Variants in KCNT2 observed in about 807,000 individuals in gnomAD.
The protein encoded by KCNT2 is potassium sodium-activated channel subfamily T member 2.
A neutral mutation model predicts 153.8 loss-of-function variants in KCNT2; 67 were observed. The ratio of observed to expected loss-of-function variants is 0.44; its 90% CI spans 0.36 to 0.53. The LOEUF is 0.53. KCNT2 is among the 20% of genes least tolerant of loss of function. The pLI is 0.00. For missense variants in KCNT2, 975 were observed against 1,354.8 expected, an observed-to-expected ratio of 0.72 and a Z score of 4.40; for synonymous variants, 500 against 458.8, an observed-to-expected ratio of 1.09 and a Z score of -1.15.
rs1486959560 is a variant in KCNT2 at position 196,433,780 on chromosome 1, T to C, written c.639-4023A>G. Among the ~76,000 whole-genome samples the C allele has an allele frequency of 2.0e-5, 3 of 152,044 alleles. No individual in the cohort carries two copies. The East Asian group carries it at 5.8e-4, about 29-fold the overall frequency. Reference sequence around the variant, plus strand: ...AATCTCCTTATTTGTCTAAGTTATGTAGCATACATATTCTATTGTCTTTAT... The same window carrying C: ...AATCTCCTTATTTGTCTAAGTTATGCAGCATACATATTCTATTGTCTTTAT... On this transcript the variant is annotated intron_variant, in intron 8 of 27. Coordinates refer to ENST00000294725, the MANE Select transcript of KCNT2 (RefSeq NM_198503.5).
chr1:196,227,289 A>G lies in KCNT2; in HGVS notation c.*935T>C, dbSNP rs1165653268. ...AAAAGGTATAAATTATCTTCTGTCAATTTTAAAAGAATTTTTCTAGTGAAA... is the reference window on the plus strand; with the variant it reads ...AAAAGGTATAAATTATCTTCTGTCAGTTTTAAAAGAATTTTTCTAGTGAAA... On this transcript the variant is annotated 3_prime_UTR_variant, in exon 28 of 28. Coordinates refer to ENST00000294725, the MANE Select transcript of KCNT2 (RefSeq NM_198503.5). The G allele has an allele frequency of 1.3e-5, 2 of 152,032 alleles. No individual in the cohort carries two copies. Among genetic ancestry groups the G allele is most frequent in the African/African-American group, 4.8e-5 (2 of 41,456 alleles). The allele number at this position is 152,032 out of a possible 1,614,324, so 9.4% of individuals were successfully genotyped here.
chr1:196,277,538 G>A (rs1571881084), intron 25 of KCNT2, among the ~76,000 whole-genome samples: 1 of 152,246 alleles, frequency 6.6e-6, no homozygotes, highest in East Asian at 1.9e-4. Context: ...TTTAATATGT[G>A]TTTATATGGA....
rs573749994 is a variant in KCNT2 at position 196,409,758 on chromosome 1, T to C, written c.1186-11087A>G. Among the ~76,000 whole-genome samples the C allele has an allele frequency of 5.3e-5, 8 of 151,804 alleles. No homozygotes were observed. The South Asian group carries it at 6.2e-4, about 12-fold the overall frequency. On this transcript the variant is annotated intron_variant, in intron 12 of 27. Coordinates refer to ENST00000294725, the MANE Select transcript of KCNT2 (RefSeq NM_198503.5). ...ATTGTGAATAATACTGCAATGAACA[T>C]AGGAGTACAGACATCTCTTTCGCAT...
At chr1:196,505,955 G>C (rs1002214216) in intron 1 of KCNT2, among the ~76,000 whole-genome samples, 16 of 152,116 alleles carry the variant, frequency 1.1e-4, no homozygotes, top group Non-Finnish European at 2.1e-4. Context: ...CTTTGCTGAA[G>C]TTGCTTATCA....
At chr1:196,317,189 A>G in intron 20 of KCNT2, 1 of 441,000 alleles carries the variant, frequency 2.3e-6, no homozygotes, top group Non-Finnish European at 4.6e-6. Context: ...CCTTGAGTCC[A>G]AGATCCCCAG....
chr1:196,504,363 C>T (rs1443286596), intron 1 of KCNT2, among the ~76,000 whole-genome samples: 1 of 151,686 alleles, frequency 6.6e-6, no homozygotes, highest in Admixed American at 6.6e-5. Flanking sequence ...TGATAGTTTA[C>T]TGAGAATCAT....
chr1:196,270,099 A>G (rs977214382), intron 25 of KCNT2, among the ~76,000 whole-genome samples: 2 of 151,972 alleles, frequency 1.3e-5, no homozygotes, highest in South Asian at 4.1e-4. Context: ...AAAGGTATAG[A>G]ATTGCTTTTC....
At chr1:196,273,119 T>C (rs565509388) in intron 25 of KCNT2, among the ~76,000 whole-genome samples, 28 of 151,850 alleles carry the variant, frequency 1.8e-4, no homozygotes, top group African/African-American at 6.0e-4. Context: ...GTAAAGGAGG[T>C]CTACTCTAAA....
chr1:196,477,828 A>G (rs1678671399), intron 5 of KCNT2, among the ~76,000 whole-genome samples: 1 of 152,140 alleles, frequency 6.6e-6, no homozygotes, highest in Non-Finnish European at 1.5e-5. Context: ...CTTAGTTTCC[A>G]CCCTGGTGAT....
Position 196,228,192 on chromosome 1 carries a change from T to A in KCNT2, c.*32A>T, listed in dbSNP as rs1653634966. ...ACTTTTGTGGTTTCAAGCAAGGTCT[T>A]TGTAGGAAAAAAGTTTCTCATTTTA... is the stretch of plus-strand genomic sequence containing the variant. On this transcript the variant is annotated 3_prime_UTR_variant, in exon 28 of 28. Coordinates refer to ENST00000294725, the MANE Select transcript of KCNT2 (RefSeq NM_198503.5). 7.3e-7 allele frequency: 1 copy of A among 1,363,204 alleles called. No individual in the cohort carries two copies. Among genetic ancestry groups the A allele is most frequent in the African/African-American group, 1.4e-5 (1 of 69,846 alleles). The allele number at this position is 1,363,204 out of a possible 1,614,324, so 84.4% of individuals were successfully genotyped here.
intron 14 of KCNT2, among the ~76,000 whole-genome samples, chr1:196,351,279 A>G (rs1031677685): frequency 6.6e-5 from 10 of 152,244 alleles, no homozygotes; most frequent in East Asian, 1.9e-4. Flanking sequence ...CATTGAATCT[A>G]TAAATTACCT....
Position 196,479,183 on chromosome 1 carries a change from T to A in KCNT2, c.380A>T (p.Tyr127Phe). 1 of 1,537,848 alleles carries A rather than the reference T, an allele frequency of 6.5e-7. No homozygotes were observed. Residue 127 changes from tyrosine to phenylalanine, a missense_variant, in exon 5 of 28, where the codon TAT (tyrosine) becomes TTT (phenylalanine). Tyr to Phe is a conservative substitution (Grantham distance 22, BLOSUM62 3). Transcript: ENST00000294725. ...CTGCTAATTAAAATAACTTACCTTA[T>A]AACTAAGATAACCAAGTAATATTGT... The part of the protein sequence containing the change: ...FETILLGYLS[Y>F]KGNIWEQILR...
At chr1:196,305,091 C>G in intron 22 of KCNT2, 143 bp downstream of exon 22, 3 of 609,106 alleles carry the variant, frequency 4.9e-6, no homozygotes, top group Non-Finnish European at 8.8e-6. Flanking sequence ...AAAAAATTAT[C>G]AATTAGAATT....
intron 21 of KCNT2, among the ~76,000 whole-genome samples, chr1:196,306,070 T>G (rs2147982150): frequency 6.6e-6 from 1 of 152,122 alleles, no homozygotes; most frequent in African/African-American, 2.4e-5. Flanking sequence ...CCACAATAAA[T>G]ACTTTTTATT....
intron 16 of KCNT2, among the ~76,000 whole-genome samples, chr1:196,339,815 C>G (rs1665437128): frequency 6.6e-6 from 1 of 151,948 alleles, no homozygotes; most frequent in Non-Finnish European, 1.5e-5. Flanking sequence ...TACCTTTCTT[C>G]TTCTGTGTCA....
At chr1:196,568,172 G>A (rs1572853877) in intron 1 of KCNT2, among the ~76,000 whole-genome samples, 1 of 152,114 alleles carries the variant, frequency 6.6e-6, no homozygotes, top group Non-Finnish European at 1.5e-5. Flanking sequence ...AAAGACAAAT[G>A]GTGGTAGAGA....
intron 1 of KCNT2, among the ~76,000 whole-genome samples, chr1:196,508,581 T>C (rs1219646090): frequency 1.3e-5 from 2 of 152,072 alleles, no homozygotes; most frequent in African/African-American, 4.8e-5. Flanking sequence ...AAATTAAGAA[T>C]ACAAAAAGAA....
At chr1:196,445,379 C>G (rs1326296932) in intron 8 of KCNT2, among the ~76,000 whole-genome samples, 2 of 151,234 alleles carry the variant, frequency 1.3e-5, no homozygotes, top group East Asian at 3.9e-4. Context: ...AGTCTCTAGT[C>G]AACATTTTCT....
At chr1:196,301,898 C>T (rs935816792) in intron 22 of KCNT2, among the ~76,000 whole-genome samples, 10 of 152,206 alleles carry the variant, frequency 6.6e-5, no homozygotes, top group African/African-American at 2.4e-4. Flanking sequence ...CACCACCAGG[C>T]CTGGCTGATT....
Sources: allele counts gnomAD v4.1 joint callset (sites outside exome capture counted in the v4.1 genomes callset), GRCh38; gene constraint gnomAD v4.1.1; transcripts MANE v1.5; gene names NCBI Gene and HGNC (gene_info 2026-07-23, HGNC 2026-07-21).